The following CAMTA1 variants were observed in gnomAD, a reference collection of about 807,000 sequenced individuals.
The protein encoded by CAMTA1 is calmodulin binding transcription activator 1.
A neutral mutation model predicts 170.9 loss-of-function variants in CAMTA1; 27 were observed. The observed-to-expected ratio is 0.16, with a 90% CI of 0.12 to 0.22. CAMTA1 has a LOEUF of 0.22. Among genes scored for constraint, CAMTA1 ranks in the 10% least tolerant of loss-of-function variants. The probability of loss-of-function intolerance (pLI) is 1.00; values close to 1 mark genes in which losing one functional copy is unlikely to be tolerated. For missense variants in CAMTA1, 1,619 were observed against 2,217.2 expected (o/e 0.73, Z 5.42); for synonymous variants, 833 against 891.5 (o/e 0.93, Z 1.17).
intron 3 of CAMTA1, among the ~76,000 whole-genome samples, chr1:6,859,430 A>G (rs1001877512): frequency 6.6e-6 from 1 of 152,316 alleles, no homozygotes; most frequent in South Asian, 2.1e-4. Context: ...TGCACTTAAC[A>G]TCTCCAGTTA....
intron 6 of CAMTA1, among the ~76,000 whole-genome samples, chr1:7,549,323 C>T (rs918752075): frequency 6.6e-6 from 1 of 151,986 alleles, no homozygotes; most frequent in East Asian, 1.9e-4. Context: ...CTACTCGGGA[C>T]TCACCAGGTC....
At chr1:7,571,432 C>T (rs769244876) in intron 6 of CAMTA1, among the ~76,000 whole-genome samples, 2 of 152,194 alleles carry the variant, frequency 1.3e-5, no homozygotes, top group African/African-American at 2.4e-5. Flanking sequence ...TTTCATCACT[C>T]AGGTACTAAA....
At chr1:7,096,585 A>G (rs990138802) in intron 4 of CAMTA1, among the ~76,000 whole-genome samples, 1 of 152,162 alleles carries the variant, frequency 6.6e-6, no homozygotes, top group African/African-American at 2.4e-5. Context: ...ATGCCAGAGC[A>G]TACAACTTGG....
intron 3 of CAMTA1, among the ~76,000 whole-genome samples, chr1:6,873,013 C>T (rs1175624588): frequency 1.3e-5 from 2 of 152,150 alleles, no homozygotes; most frequent in Admixed American, 6.6e-5. Flanking sequence ...TGTTCACTGG[C>T]GATTGGAACT....
intron 3 of CAMTA1, among the ~76,000 whole-genome samples, chr1:6,853,772 T>G (rs1661263833): frequency 1.3e-5 from 2 of 152,182 alleles, no homozygotes; most frequent in South Asian, 4.1e-4. Context: ...GTACCTTTAT[T>G]AACAAAGTGG....
intron 6 of CAMTA1, among the ~76,000 whole-genome samples, chr1:7,499,841 T>C (rs1337508780): frequency 6.8e-6 from 1 of 147,964 alleles, no homozygotes; most frequent in Non-Finnish European, 1.5e-5. Flanking sequence ...TATGTGTGTG[T>C]GCATGTGTGT....
intron 4 of CAMTA1, among the ~76,000 whole-genome samples, chr1:7,232,457 C>T (rs567370917): frequency 1.3e-5 from 2 of 152,332 alleles, no homozygotes; most frequent in South Asian, 4.1e-4. Flanking sequence ...CTAGACAAAA[C>T]AATTCTATTT....
intron 6 of CAMTA1, among the ~76,000 whole-genome samples, chr1:7,617,015 G>A (rs1377255474): frequency 6.6e-6 from 1 of 152,202 alleles, no homozygotes; most frequent in Non-Finnish European, 1.5e-5. Context: ...GGCACAGAGG[G>A]TTGAGCTCGT....
chr1:7,247,807 G>A lies in CAMTA1; in HGVS notation c.303-1684G>A, dbSNP rs151300395. 8.1e-3 allele frequency among the ~76,000 whole-genome samples: 1,231 copies of A among 152,248 alleles called. 14 individuals carry two copies. Among genetic ancestry groups the A allele is most frequent in the African/African-American group, 0.029 (1,200 of 41,540 alleles). ...GCTGAAGCGGGAAGAGGCTGACATC[G>A]TTGGCCCCACATGCAAGCCTACCTG... On this transcript the variant is annotated intron_variant, in intron 4 of 22. Coordinates refer to ENST00000303635, the MANE Select transcript of CAMTA1 (RefSeq NM_015215.4).
At chr1:6,906,324 C>T (rs1678468763) in intron 3 of CAMTA1, among the ~76,000 whole-genome samples, 2 of 152,152 alleles carry the variant, frequency 1.3e-5, no homozygotes, top group African/African-American at 4.8e-5. Flanking sequence ...GAGCCCAGTG[C>T]ATTTGTTGTG....
rs974097707 is a variant in CAMTA1 at position 7,195,605 on chromosome 1, C to T, written c.303-53886C>T. ...TCTCCCGCCACACATGGCACACTCA[C>T]CTTCAGCCAGGTGCCCGCACTGCTC... is the stretch of plus-strand genomic sequence containing the variant. On this transcript the variant is annotated intron_variant, in intron 4 of 22. Coordinates refer to ENST00000303635, the MANE Select transcript of CAMTA1 (RefSeq NM_015215.4). This position sits in a 1 kb window ranked among gnomAD's most constrained non-coding sequence, Gnocchi z 4.1. Among the ~76,000 whole-genome samples, 3 of 152,340 alleles carry T rather than the reference C, an allele frequency of 2.0e-5. No homozygotes were observed. The South Asian group carries it at 6.2e-4, about 32-fold the overall frequency.
intron 3 of CAMTA1, among the ~76,000 whole-genome samples, chr1:6,992,758 CATGAGA>C (rs1557939708): frequency 6.6e-6 from 1 of 152,194 alleles, no homozygotes; most frequent in Non-Finnish European, 1.5e-5. Context: ...CACCTGCTAT[CATGAGA>C]GCAGCAAGGG....
At chr1:7,430,654 G>A (rs376081967) in intron 5 of CAMTA1, among the ~76,000 whole-genome samples, 1 of 152,128 alleles carries the variant, frequency 6.6e-6, no homozygotes, top group South Asian at 2.1e-4. Flanking sequence ...TCAGGTCTTG[G>A]CAAGCCTCTC....
Position 7,442,228 on chromosome 1 carries a change from A to G in CAMTA1, c.439-25602A>G, listed in dbSNP as rs17030881. Among the ~76,000 whole-genome samples, 21 of 152,266 alleles carry G rather than the reference A, an allele frequency of 1.4e-4. No homozygotes were observed. In the South Asian group the frequency reaches 2.1e-3, roughly 15 times the overall value. ...ATTAATCAAATTTCCTGTGATGAGA[A>G]CTACTGTCATTCATTAATCTGAGCG... On this transcript the variant is annotated intron_variant, in intron 5 of 22. Coordinates refer to ENST00000303635, the MANE Select transcript of CAMTA1 (RefSeq NM_015215.4).
Position 7,585,358 on chromosome 1 carries a change from G to T in CAMTA1, c.511-55042G>T, listed in dbSNP as rs2150428222. On this transcript the variant is annotated intron_variant, in intron 6 of 22. Transcript: ENST00000303635. The surrounding 1 kb of genome is among the most constrained non-coding windows in gnomAD (Gnocchi z 4.8). ...CAGAGCCCTGAGAGCGGTGGGATGG[G>T]CTGGGAGCAGATCTAGGGAATGGCA... Among the ~76,000 whole-genome samples the T allele has an allele frequency of 6.6e-6, 1 of 152,326 alleles. No homozygotes were observed. The highest frequency in any genetic ancestry group is 1.9e-4 in the East Asian group (1 of 5,186).
chr1:7,610,118 G>T (rs969691874), intron 6 of CAMTA1, among the ~76,000 whole-genome samples: 1 of 152,198 alleles, frequency 6.6e-6, no homozygotes, highest in African/African-American at 2.4e-5. Flanking sequence ...CCAGCCAGGG[G>T]TTGTGCAAAA....
chr1:7,515,036 G>A (rs2094261947), intron 6 of CAMTA1, among the ~76,000 whole-genome samples: 1 of 150,758 alleles, frequency 6.6e-6, no homozygotes, highest in African/African-American at 2.5e-5. Flanking sequence ...TCATCAGGCT[G>A]GTCCTTCCCG....
rs1015601495 is a variant in CAMTA1, at chr1:7,601,811, C to T, written c.511-38589C>T. Among the ~76,000 whole-genome samples the T allele has an allele frequency of 1.0e-3, 156 of 152,304 alleles. 1 individual carries two copies. The highest frequency in any genetic ancestry group is 3.6e-3 in the African/African-American group (148 of 41,570). ...CGAAAACCAGTCAGGCATGGCGGCG[C>T]GCGCCTGCAATCGCAGGCACTCGGC... On this transcript the variant is annotated intron_variant, in intron 6 of 22. Transcript: ENST00000303635.
chr1:7,174,138 C>G (rs572989678), intron 4 of CAMTA1, among the ~76,000 whole-genome samples: 3 of 152,310 alleles, frequency 2.0e-5, no homozygotes, highest in African/African-American at 7.2e-5. Context: ...AAAGCAAGCT[C>G]TCTGGGCCTT....
Sources: gnomAD v4.1 joint callset for allele counts (sites outside exome capture counted in the v4.1 genomes callset) on GRCh38, gnomAD v4.1.1 for gene constraint, Gnocchi (gnomAD v3.1) non-coding constraint, MANE v1.5 for transcripts, NCBI Gene and HGNC (gene_info 2026-07-23, HGNC 2026-07-21) for gene names.